Variants in CSMD1 observed in about 807,000 individuals in gnomAD.
CSMD1 encodes the protein CUB and Sushi multiple domains 1.
In CSMD1, 213 loss-of-function variants were observed where a neutral mutation model predicts 417.5. The ratio of observed to expected loss-of-function variants is 0.51; its 90% CI spans 0.46 to 0.57. The LOEUF (loss-of-function observed/expected upper bound fraction) is 0.57. CSMD1 is among the 20% of genes least tolerant of loss of function. The pLI is 0.00. For synonymous variants in CSMD1, 2,862 were observed against 1,736.8 expected (o/e 1.65, Z -16.11); for missense variants, 6,923 against 4,529.7 (o/e 1.53, Z -15.17).
intron 3 of CSMD1, among the ~76,000 whole-genome samples, chr8:4,165,160 A>C (rs17069183): frequency 0.063 from 9,517 of 152,234 alleles, 465 homozygotes; most frequent in East Asian, 0.2. Flanking sequence ...TCCACTGCTT[A>C]ATATGATACC....
chr8:4,125,700 T>C (rs191678634), intron 3 of CSMD1, among the ~76,000 whole-genome samples: 130 of 152,328 alleles, frequency 8.5e-4, no homozygotes, highest in Non-Finnish European at 8.7e-4. Flanking sequence ...GGGCATAGGC[T>C]GAACTAAATT....
intron 3 of CSMD1, among the ~76,000 whole-genome samples, chr8:4,157,784 G>C (rs1368995655): frequency 1.3e-5 from 2 of 152,152 alleles, no homozygotes; most frequent in Non-Finnish European, 2.9e-5. Flanking sequence ...GTTCACAGCT[G>C]GGTGAACTTG....
chr8:4,040,491 C>G (rs534524699), intron 3 of CSMD1, among the ~76,000 whole-genome samples: 77 of 152,234 alleles, frequency 5.1e-4, no homozygotes, highest in African/African-American at 1.7e-3. Context: ...GCAAGCATGA[C>G]AAAAACTCTT....
At chr8:4,452,532 T>TTAGTTC (rs2129839651) in intron 2 of CSMD1, among the ~76,000 whole-genome samples, 2 of 152,342 alleles carry the variant, frequency 1.3e-5, no homozygotes, top group South Asian at 4.1e-4. Flanking sequence ...ACTCAACAAT[T>TTAGTTC]ATAAAAATAA....
At chr8:3,421,825 A>T (rs1483318378) in intron 12 of CSMD1, among the ~76,000 whole-genome samples, 1 of 152,042 alleles carries the variant, frequency 6.6e-6, no homozygotes, top group African/African-American at 2.4e-5. Context: ...TTTCGTACAG[A>T]CAGGGTTTCA....
intron 3 of CSMD1, among the ~76,000 whole-genome samples, chr8:4,057,384 G>T (rs1563066037): frequency 6.6e-6 from 1 of 151,926 alleles, no homozygotes; most frequent in Non-Finnish European, 1.5e-5. Context: ...GGGGTTATTT[G>T]TTTTTTTCTT....
At chr8:4,078,546 G>T (rs919684570) in intron 3 of CSMD1, among the ~76,000 whole-genome samples, 1 of 151,670 alleles carries the variant, frequency 6.6e-6, no homozygotes, top group Non-Finnish European at 1.5e-5. Context: ...TTACAGGGGT[G>T]AGCCACTGCG....
intron 1 of CSMD1, among the ~76,000 whole-genome samples, chr8:4,837,106 G>C (rs1231269513): frequency 3.3e-5 from 5 of 152,008 alleles, no homozygotes; most frequent in Admixed American, 6.6e-5. Flanking sequence ...GCTTCACTAA[G>C]TAATCTGATT....
At chr8:3,121,462 G>A (rs1166080198) in intron 41 of CSMD1, among the ~76,000 whole-genome samples, 1 of 152,136 alleles carries the variant, frequency 6.6e-6, no homozygotes, top group South Asian at 2.1e-4. Context: ...ACGAGAAGTG[G>A]GAAGAACACT....
At chr8:3,967,822 T>A (rs894366022) in intron 5 of CSMD1, among the ~76,000 whole-genome samples, 2 of 151,918 alleles carry the variant, frequency 1.3e-5, no homozygotes, top group Non-Finnish European at 2.9e-5. Flanking sequence ...TATACGCTTA[T>A]AGATAAGGAA....
At chr8:4,633,279 G>C (rs1053267528) in intron 2 of CSMD1, among the ~76,000 whole-genome samples, 3 of 152,006 alleles carry the variant, frequency 2.0e-5, no homozygotes, top group South Asian at 2.1e-4. Context: ...TGGAGTTTCA[G>C]TCTGTCCCCC....
chr8:3,879,808 G>A (rs866199372), intron 5 of CSMD1, among the ~76,000 whole-genome samples: 2 of 149,332 alleles, frequency 1.3e-5, no homozygotes, highest in Middle Eastern at 3.2e-3. Context: ...TTTATTTCGT[G>A]TATAGAGTGT....
At chr8:3,265,691 G>C in intron 26 of CSMD1, among the ~76,000 whole-genome samples, 1 of 152,222 alleles carries the variant, frequency 6.6e-6, no homozygotes, top group South Asian at 2.1e-4. Context: ...TAATATAAGT[G>C]AGAATCTGAA....
At chr8:3,212,964 G>A (rs896139896) in intron 30 of CSMD1, among the ~76,000 whole-genome samples, 66 of 151,954 alleles carry the variant, frequency 4.3e-4, no homozygotes, top group African/African-American at 1.4e-3. Context: ...AAGTAGCTGG[G>A]ATTACAGGTG....
At chr8:4,625,984 A>G (rs947106103) in intron 2 of CSMD1, among the ~76,000 whole-genome samples, 1 of 152,136 alleles carries the variant, frequency 6.6e-6, no homozygotes, top group East Asian at 1.9e-4. Flanking sequence ...TTGGTCTCCC[A>G]AAGTGCTGGG....
At chr8:3,798,793 A>C (rs1454749012) in intron 5 of CSMD1, among the ~76,000 whole-genome samples, 1 of 152,078 alleles carries the variant, frequency 6.6e-6, no homozygotes, top group Non-Finnish European at 1.5e-5. Context: ...TAATTATGGG[A>C]CATCTGTTTA....
rs542788587 is a variant in CSMD1 at position 3,000,029 on chromosome 8, C to T, written c.8132G>A (p.Arg2711Gln). 16 of 1,606,700 alleles carry T rather than the reference C, an allele frequency of 1.0e-5. No individual in the cohort carries two copies. The highest frequency in any genetic ancestry group is 7.8e-5 in the South Asian group (7 of 90,154). ...TVVYQCNPGF[R>Q]LVGTSVRICL... is the part of the protein sequence containing the mutation. Reference sequence around the variant, plus strand: ...TATCCTCACGGAAGTTCCCACAAGCCGGAAACCAGGATTGCACTGGTAAAC... The same window carrying T: ...TATCCTCACGGAAGTTCCCACAAGCTGGAAACCAGGATTGCACTGGTAAAC... The change falls in exon 53 of 70, where the codon CGG becomes CAG. Residue 2711 changes from arginine (R) to glutamine (Q), a missense_variant. Physicochemically the swap from Arg to Gln is conservative, Grantham distance 43. Transcript: ENST00000635120.
chr8:3,998,340 G>A (rs534445988), intron 4 of CSMD1, among the ~76,000 whole-genome samples: 10 of 152,180 alleles, frequency 6.6e-5, no homozygotes, highest in South Asian at 2.1e-4. Context: ...CGGGAAAGAT[G>A]GAAACGGTGG....
At chr8:3,417,410 A>T (rs535560418) in intron 12 of CSMD1, among the ~76,000 whole-genome samples, 1 of 152,208 alleles carries the variant, frequency 6.6e-6, no homozygotes, top group Admixed American at 6.5e-5. Context: ...CCTGTGTAAG[A>T]TATTTACACA....
Sources: allele counts gnomAD v4.1 joint callset (sites outside exome capture counted in the v4.1 genomes callset), GRCh38; gene constraint gnomAD v4.1.1; transcripts MANE v1.5; gene names NCBI Gene and HGNC (gene_info 2026-07-23, HGNC 2026-07-21).